The following PLCL1 variants were observed in gnomAD, a reference collection of about 807,000 sequenced individuals.
PLCL1 encodes inactive phospholipase C-like protein 1.
PLCL1 carries 41 observed loss-of-function variants against 84.4 expected under a neutral mutation model. The observed-to-expected ratio is 0.49, with a 90% CI of 0.38 to 0.63. PLCL1 has a LOEUF of 0.63. Among genes scored for constraint, PLCL1 ranks in the 30% least tolerant of loss-of-function variants. The pLI, the probability that PLCL1 is intolerant of heterozygous loss-of-function variation, is 0.00. For missense variants in PLCL1, 1,206 were observed against 1,367.8 expected (o/e 0.88, Z 1.87); for synonymous variants, 490 against 488.3 (o/e 1.00, Z -0.05).
intron 1 of PLCL1, among the ~76,000 whole-genome samples, chr2:197,927,376 GC>G (rs1688851045): frequency 6.6e-6 from 1 of 152,140 alleles, no homozygotes; most frequent in Non-Finnish European, 1.5e-5. Context: ...ATGTCAGTGA[GC>G]CCCTCCTCAA....
rs567631444 is a variant in PLCL1 at position 198,144,946 on chromosome 2, A to G, written c.3106-1834A>G. Among the ~76,000 whole-genome samples, 16 of 152,280 alleles carry G rather than the reference A, an allele frequency of 1.1e-4. No individual in the cohort carries two copies. In the East Asian group the frequency reaches 3.1e-3, roughly 29 times the overall value. On this transcript the variant is annotated intron_variant, in intron 5 of 5. Coordinates refer to ENST00000428675, the MANE Select transcript of PLCL1 (RefSeq NM_006226.4). The stretch of plus-strand genomic sequence containing the variant: ...CTGGATTTTAAGCTCCAGCTCTACC[A>G]CTTAGCAGCTGTATGACTTTGGGAA...
At position 197,839,520 on chromosome 2, in the gene PLCL1, A is replaced by AGCTCAGTTGTTAAT. The variant is rs1686941702; in HGVS notation, c.240+34191_240+34204dup. 4.6e-5 allele frequency among the ~76,000 whole-genome samples: 7 copies of AGCTCAGTTGTTAAT among 152,248 alleles called. No individual in the cohort carries two copies. The South Asian group carries it at 1.5e-3, about 32-fold the overall frequency. On this transcript the variant is annotated intron_variant, in intron 1 of 5. Transcript: ENST00000428675. The stretch of plus-strand genomic sequence containing the variant: ...CTGCCACTGGTCTGACAGGAGGTGG[A>AGCTCAGTTGTTAAT]GCTCAGTTGTTAATGCTCAGTTGCT...
chr2:197,869,066 C>T (rs1342106658), intron 1 of PLCL1, among the ~76,000 whole-genome samples: 3 of 152,064 alleles, frequency 2.0e-5, no homozygotes, highest in Admixed American at 1.3e-4. Context: ...CAATGTTTAC[C>T]AGAGTCCTCT....
chr2:198,008,398 C>T (rs1177212487), intron 1 of PLCL1, among the ~76,000 whole-genome samples: 1 of 152,096 alleles, frequency 6.6e-6, no homozygotes, highest in Non-Finnish European at 1.5e-5. Context: ...AATTACCATT[C>T]TACTTTCTGT....
chr2:198,102,898 C>G (rs1467131589), intron 4 of PLCL1, among the ~76,000 whole-genome samples: 2 of 152,018 alleles, frequency 1.3e-5, no homozygotes, highest in Non-Finnish European at 2.9e-5. Context: ...TGATTTCCAT[C>G]TTTAAGGTGC....
chr2:197,910,270 C>T (rs1466782625), intron 1 of PLCL1, among the ~76,000 whole-genome samples: 1 of 152,174 alleles, frequency 6.6e-6, no homozygotes, highest in African/African-American at 2.4e-5. Flanking sequence ...ACTGAAGATG[C>T]CCAAGCATTT....
intron 1 of PLCL1, among the ~76,000 whole-genome samples, chr2:198,014,289 A>AT (rs1245729859): frequency 1.3e-5 from 2 of 152,240 alleles, no homozygotes; most frequent in East Asian, 3.9e-4. Context: ...GGGTGTAACA[A>AT]TAGCTTATTA....
intron 1 of PLCL1, among the ~76,000 whole-genome samples, chr2:198,051,660 T>A (rs1056847361): frequency 6.6e-6 from 1 of 152,238 alleles, no homozygotes; most frequent in Non-Finnish European, 1.5e-5. Context: ...TTTCCAAATT[T>A]AGGTATGTTA....
At chr2:198,003,199 T>C (rs902729081) in intron 1 of PLCL1, among the ~76,000 whole-genome samples, 1 of 152,174 alleles carries the variant, frequency 6.6e-6, no homozygotes, top group African/African-American at 2.4e-5. Flanking sequence ...ATAATAGACA[T>C]AATTCTTAAT....
chr2:197,833,558 G>T (rs893931777), intron 1 of PLCL1, among the ~76,000 whole-genome samples: 1 of 152,120 alleles, frequency 6.6e-6, no homozygotes, highest in Non-Finnish European at 1.5e-5. Context: ...GCCAAATCAT[G>T]AGTGAACTCC....
At chr2:197,904,730 A>G (rs925950517) in intron 1 of PLCL1, among the ~76,000 whole-genome samples, 1 of 152,168 alleles carries the variant, frequency 6.6e-6, no homozygotes, top group Non-Finnish European at 1.5e-5. Flanking sequence ...TATTGGTCTG[A>G]CAGTGATTTT....
chr2:197,961,339 T>C (rs1307753465), intron 1 of PLCL1, among the ~76,000 whole-genome samples: 1 of 151,938 alleles, frequency 6.6e-6, no homozygotes, highest in East Asian at 1.9e-4. Context: ...CTCTAGATTT[T>C]TCATTCTTAG....
At chr2:197,936,383 T>C (rs1689056084) in intron 1 of PLCL1, among the ~76,000 whole-genome samples, 1 of 152,194 alleles carries the variant, frequency 6.6e-6, no homozygotes, top group Non-Finnish European at 1.5e-5. Flanking sequence ...CCACCAACAA[T>C]GTACAAGCCT....
intron 1 of PLCL1, among the ~76,000 whole-genome samples, chr2:197,980,574 C>G (rs935751840): frequency 2.0e-5 from 3 of 152,166 alleles, no homozygotes; most frequent in African/African-American, 7.2e-5. Flanking sequence ...TCAGCCATGT[C>G]TTACTCATGG....
At chr2:198,052,848 A>C (rs1275310947) in intron 1 of PLCL1, among the ~76,000 whole-genome samples, 1 of 152,152 alleles carries the variant, frequency 6.6e-6, no homozygotes, top group Non-Finnish European at 1.5e-5. Context: ...CCTCTAAATA[A>C]AATGAGGTAC....
chr2:197,814,999 G>A (rs984653021), intron 1 of PLCL1, among the ~76,000 whole-genome samples: 1 of 152,176 alleles, frequency 6.6e-6, no homozygotes. Context: ...ATTGCAAGGT[G>A]AAGCAGCAAG....
At chr2:197,941,295 A>ACT (rs1689153657) in intron 1 of PLCL1, among the ~76,000 whole-genome samples, 1 of 143,768 alleles carries the variant, frequency 7.0e-6, no homozygotes, top group African/African-American at 2.5e-5. Context: ...GGGGAATACT[A>ACT]TTTTTTTTTT....
chr2:198,082,014 C>T (rs760575447), intron 1 of PLCL1, among the ~76,000 whole-genome samples: 2 of 152,110 alleles, frequency 1.3e-5, no homozygotes, highest in Non-Finnish European at 2.9e-5. Flanking sequence ...GTTCGGAAGT[C>T]AGGAATGAAT....
chr2:198,023,155 T>C (rs761751435), intron 1 of PLCL1, among the ~76,000 whole-genome samples: 3 of 152,222 alleles, frequency 2.0e-5, no homozygotes, highest in Non-Finnish European at 2.9e-5. Flanking sequence ...GGGAAAGGAT[T>C]CCCTAGTTAA....
Sources: gnomAD v4.1 joint callset for allele counts (sites outside exome capture counted in the v4.1 genomes callset) on GRCh38, gnomAD v4.1.1 for gene constraint, MANE v1.5 for transcripts, NCBI Gene and HGNC (gene_info 2026-07-23, HGNC 2026-07-21) for gene names.